The following PPARGC1A variants were observed in gnomAD, a reference collection of about 807,000 sequenced individuals.
PPARGC1A encodes the protein PPARG coactivator 1 alpha, also known as peroxisome proliferator-activated receptor gamma coactivator 1-alpha.
PPARGC1A carries 25 observed loss-of-function variants against 88.7 expected under a neutral mutation model. The ratio of observed to expected loss-of-function variants is 0.28; its 90% CI spans 0.21 to 0.39. The LOEUF is 0.39. Among genes scored for constraint, PPARGC1A ranks in the 10% least tolerant of loss-of-function variants. The pLI, the probability that PPARGC1A is intolerant of heterozygous loss-of-function variation, is 1.00. For missense variants in PPARGC1A, 880 were observed against 968.7 expected (o/e 0.91, Z 1.22); for synonymous variants, 363 against 355.6 (o/e 1.02, Z -0.24).
At chr4:23,930,622 A>G in the PPARGC1A span, among the ~76,000 whole-genome samples, 2 of 152,196 alleles carry the variant, frequency 1.3e-5, no homozygotes, top group Non-Finnish European at 2.9e-5. Flanking sequence ...TATGGGGACA[A>G]AAATAAATTG....
chr4:24,421,419 T>C, the PPARGC1A span, among the ~76,000 whole-genome samples: 1 of 151,682 alleles, frequency 6.6e-6, no homozygotes, highest in South Asian at 2.1e-4. Flanking sequence ...CACGCCCTTC[T>C]CCTGCCTCAG....
the PPARGC1A span, among the ~76,000 whole-genome samples, chr4:24,018,853 A>C: frequency 2.0e-5 from 3 of 152,106 alleles, no homozygotes; most frequent in Admixed American, 6.6e-5. Context: ...TTTTGCAATC[A>C]AAAATAGATT....
In PPARGC1A at chr4:23,813,031, G is replaced by A. The variant is rs1277352101; in HGVS notation, c.1888C>T (p.Arg630Cys). The A allele has an allele frequency of 7.4e-6, 12 of 1,613,996 alleles. No individual in the cohort carries two copies. The highest frequency in any genetic ancestry group is 9.3e-6 in the Non-Finnish European group (11 of 1,179,936). ...VRSRSRSPYS[R>C]RPRYDSYEEY... ...GACATGCCTCATTACCTGGGCCGAC[G>A]GCTGTAGGGCGATCTTGAACGTGAT... Residue 630 changes from arginine (R) to cysteine (C), a missense_variant, in exon 9 of 13, where the codon CGT becomes TGT. Transcript: ENST00000264867.
the PPARGC1A span, among the ~76,000 whole-genome samples, chr4:24,112,107 C>A: frequency 1.3e-5 from 2 of 152,116 alleles, no homozygotes; most frequent in East Asian, 1.9e-4. Flanking sequence ...AGAGTCTGTC[C>A]ATTCTGCTTT....
the PPARGC1A span, among the ~76,000 whole-genome samples, chr4:24,319,493 C>T: frequency 2.0e-4 from 31 of 152,140 alleles, no homozygotes; most frequent in African/African-American, 7.2e-4. Flanking sequence ...TGAAATGCCA[C>T]GTGGATCTCC....
chr4:23,846,142 T>C (rs1728274091), intron 2 of PPARGC1A, among the ~76,000 whole-genome samples: 1 of 152,158 alleles, frequency 6.6e-6, no homozygotes, highest in African/African-American at 2.4e-5. Context: ...TGGATCTGGA[T>C]AAAAATGTAA....
At chr4:24,362,638 AATGAG>A in the PPARGC1A span, among the ~76,000 whole-genome samples, 2 of 152,178 alleles carry the variant, frequency 1.3e-5, no homozygotes, top group African/African-American at 2.4e-5. Context: ...TCAGAAAATG[AATGAG>A]ATATTTACCT....
At chr4:24,133,432 C>T in the PPARGC1A span, among the ~76,000 whole-genome samples, 89 of 152,284 alleles carry the variant, frequency 5.8e-4, no homozygotes, top group Middle Eastern at 6.8e-3. Flanking sequence ...CAGAAATAAA[C>T]GTTATTTGCA....
chr4:23,969,119 G>A, the PPARGC1A span, among the ~76,000 whole-genome samples: 3 of 152,114 alleles, frequency 2.0e-5, no homozygotes, highest in Non-Finnish European at 2.9e-5. Context: ...CAGTAGCTAG[G>A]TGACTTGTCT....
chr4:24,213,328 G>A, the PPARGC1A span, among the ~76,000 whole-genome samples: 6 of 152,020 alleles, frequency 3.9e-5, no homozygotes, highest in Admixed American at 2.0e-4. Flanking sequence ...CACCCGGCCC[G>A]GCTAATTTTT....
chr4:24,304,916 A>G, the PPARGC1A span, among the ~76,000 whole-genome samples: 4 of 152,154 alleles, frequency 2.6e-5, no homozygotes, highest in African/African-American at 9.7e-5. Context: ...TGCTCATTCA[A>G]TAAAATATTG....
chr4:24,380,311 G>A, the PPARGC1A span, among the ~76,000 whole-genome samples: 8 of 152,138 alleles, frequency 5.3e-5, no homozygotes, highest in African/African-American at 1.9e-4. Flanking sequence ...TCTAGACAGA[G>A]GGAATCACAT....
At chr4:23,808,525 T>G (rs1356482893) in intron 10 of PPARGC1A, among the ~76,000 whole-genome samples, 1 of 152,150 alleles carries the variant, frequency 6.6e-6, no homozygotes, top group Non-Finnish European at 1.5e-5. Context: ...GGAGTTGGAC[T>G]TAGAACTCCA....
the PPARGC1A span, among the ~76,000 whole-genome samples, chr4:24,025,123 T>C: frequency 6.6e-6 from 1 of 152,184 alleles, no homozygotes; most frequent in Admixed American, 6.5e-5. Context: ...ATGGTGAAAA[T>C]GATCCCTAGT....
chr4:24,229,152 C>CTTTTTTTTTTTTTTTTTTTTTGTTTTTTT, the PPARGC1A span, among the ~76,000 whole-genome samples: 1 of 60,894 alleles, frequency 1.6e-5, no homozygotes. Flanking sequence ...GTATCTGGAC[C>CTTTTTTTTTTTTTTTTTTTTTGTTTTTTT]TTTTTTTTTT....
At chr4:24,121,257 A>G in the PPARGC1A span, among the ~76,000 whole-genome samples, 2 of 152,180 alleles carry the variant, frequency 1.3e-5, no homozygotes, top group Non-Finnish European at 2.9e-5. Context: ...TGGAGAACAC[A>G]GGCTCCCAGC....
At chr4:24,406,571 G>A in the PPARGC1A span, among the ~76,000 whole-genome samples, 449 of 152,264 alleles carry the variant, frequency 2.9e-3, 1 homozygote, top group African/African-American at 9.3e-3. Context: ...ATTGCACTTC[G>A]GAATTGGAAC....
intron 2 of PPARGC1A, among the ~76,000 whole-genome samples, chr4:23,853,285 A>G (rs771264127): frequency 1.1e-4 from 16 of 152,210 alleles, no homozygotes; most frequent in Admixed American, 8.5e-4. Context: ...AGAGACATGT[A>G]AGATAGAAAC....
chr4:24,437,968 T>C, the PPARGC1A span, among the ~76,000 whole-genome samples: 1 of 152,130 alleles, frequency 6.6e-6, no homozygotes, highest in African/African-American at 2.4e-5. Flanking sequence ...TGACCCACTG[T>C]GCCCGGCCTA....
Sources: gnomAD v4.1 joint callset for allele counts (sites outside exome capture counted in the v4.1 genomes callset) on GRCh38, gnomAD v4.1.1 for gene constraint, MANE v1.5 for transcripts, NCBI Gene and HGNC (gene_info 2026-07-23, HGNC 2026-07-21) for gene names.